Variants in FTO observed in about 807,000 individuals in gnomAD.
FTO encodes the protein alpha-ketoglutarate-dependent dioxygenase FTO.
A neutral mutation model predicts 63.9 loss-of-function variants in FTO; 47 were observed. The ratio of observed to expected loss-of-function variants is 0.74; its 90% CI spans 0.58 to 0.94. The LOEUF (loss-of-function observed/expected upper bound fraction) is 0.94. Ranked by LOEUF, FTO falls within the 40% of genes least tolerant of loss-of-function variation. The probability of loss-of-function intolerance (pLI) is 0.00; values close to 1 mark genes in which losing one functional copy is unlikely to be tolerated. For missense variants in FTO, 562 were observed against 618.1 expected (o/e 0.91, Z 0.96); for synonymous variants, 207 against 224.4 (o/e 0.92, Z 0.69).
intron 8 of FTO, among the ~76,000 whole-genome samples, chr16:54,100,215 C>T (rs571302258): frequency 1.3e-5 from 2 of 152,332 alleles, no homozygotes; most frequent in South Asian, 4.1e-4. Flanking sequence ...GCTTCAAATC[C>T]TGACCCTATC....
intron 8 of FTO, chr16:53,993,556 C>T (rs2083863968): frequency 6.6e-6 from 1 of 152,132 alleles, no homozygotes; most frequent in Non-Finnish European, 1.5e-5. Flanking sequence ...TGGGGAAAAC[C>T]AGCCCACCTC....
At chr16:53,971,971 C>T (rs1016742374) in intron 8 of FTO, among the ~76,000 whole-genome samples, 6 of 152,110 alleles carry the variant, frequency 3.9e-5, no homozygotes, top group African/African-American at 1.4e-4. Flanking sequence ...TGCCTCCCCC[C>T]TTCCCTCCTT....
chr16:53,831,732 C>T (rs1182368963), intron 3 of FTO, among the ~76,000 whole-genome samples: 1 of 152,124 alleles, frequency 6.6e-6, no homozygotes, highest in Non-Finnish European at 1.5e-5. Flanking sequence ...AAAGGGGTAA[C>T]ATTTAAGCAG....
At chr16:54,083,476 T>G (rs1341124721) in intron 8 of FTO, among the ~76,000 whole-genome samples, 1 of 152,220 alleles carries the variant, frequency 6.6e-6, no homozygotes, top group Non-Finnish European at 1.5e-5. Context: ...TAAGGGAAAC[T>G]GTCTCCAGGG....
intron 1 of FTO, among the ~76,000 whole-genome samples, chr16:53,796,244 A>T (rs908461024): frequency 1.3e-5 from 2 of 151,998 alleles, no homozygotes; most frequent in African/African-American, 4.8e-5. Flanking sequence ...GGGTTTTGCA[A>T]TGTCGGCCAG....
intron 1 of FTO, among the ~76,000 whole-genome samples, chr16:53,751,379 AC>A (rs2076788780): frequency 2.0e-5 from 3 of 151,922 alleles, no homozygotes; most frequent in Admixed American, 6.6e-5. Flanking sequence ...AATGGCATGA[AC>A]CCGGGAGGCG....
chr16:54,080,909 C>T (rs1304249198), intron 8 of FTO, among the ~76,000 whole-genome samples: 1 of 152,160 alleles, frequency 6.6e-6, no homozygotes, highest in African/African-American at 2.4e-5. Flanking sequence ...GGAAGAACAG[C>T]TCGTGCTTGG....
intron 8 of FTO, among the ~76,000 whole-genome samples, chr16:53,983,299 G>C (rs1050049936): frequency 2.0e-5 from 3 of 152,172 alleles, no homozygotes; most frequent in East Asian, 3.9e-4. Flanking sequence ...GAGAATAGTA[G>C]AGTTCATTTT....
At chr16:53,967,095 A>G (rs757393707) in intron 8 of FTO, among the ~76,000 whole-genome samples, 15 of 152,190 alleles carry the variant, frequency 9.9e-5, no homozygotes, top group Non-Finnish European at 2.1e-4. Flanking sequence ...TCCGCTGCGC[A>G]GTGGTGCCTA....
chr16:54,100,445 C>G (rs2144591852), intron 8 of FTO, among the ~76,000 whole-genome samples: 1 of 152,218 alleles, frequency 6.6e-6, no homozygotes, highest in Middle Eastern at 3.4e-3. Context: ...TTCAGCTTCC[C>G]AGGCTCAAGT....
chr16:53,724,463 A>G (rs868677778), intron 1 of FTO, among the ~76,000 whole-genome samples: 1 of 152,170 alleles, frequency 6.6e-6, no homozygotes, highest in African/African-American at 2.4e-5. Context: ...CATTTGTACC[A>G]CTAAATACTG....
In FTO at chr16:54,119,621, GTTTTC is replaced by G. The variant is rs1309153853; in HGVS notation, c.*7713_*7717del. On this transcript the variant is annotated 3_prime_UTR_variant, in exon 9 of 9. Coordinates refer to ENST00000471389, the MANE Select transcript of FTO (RefSeq NM_001080432.3). ...AAGCCATGTTTACCATGGACGTTTA[GTTTTC>G]TTTTCTCAAAATCAAAACAGAGTTT... 2 of 152,268 alleles carry G rather than the reference GTTTTC, an allele frequency of 1.3e-5. No individual in the cohort carries two copies. Among genetic ancestry groups the G allele is most frequent in the Admixed American group, 6.5e-5 (1 of 15,294 alleles). 9.4% of individuals were successfully genotyped at this position (152,268 alleles called of 1,614,324 possible).
chr16:53,716,639 A>G (rs984919030), intron 1 of FTO, among the ~76,000 whole-genome samples: 1 of 152,094 alleles, frequency 6.6e-6, no homozygotes, highest in Admixed American at 6.5e-5. Flanking sequence ...TATTTTTCAT[A>G]TGTAGCTTAT....
Position 53,858,547 on chromosome 16 carries a change from C to T in FTO, c.895+14249C>T, listed in dbSNP as rs141425002. Among the ~76,000 whole-genome samples the T allele has an allele frequency of 9.8e-4, 150 of 152,326 alleles. 1 individual carries two copies. The highest frequency in any genetic ancestry group is 4.1e-3 in the South Asian group (20 of 4,826). On this transcript the variant is annotated intron_variant, in intron 4 of 8. Transcript: ENST00000471389. ...AATCTCAAGGTACATAACTTCCCCTCTCCTTCTCCCCTTTTTTTAGAATTA... is the reference window on the plus strand; with the variant it reads ...AATCTCAAGGTACATAACTTCCCCTTTCCTTCTCCCCTTTTTTTAGAATTA...
chr16:53,923,291 G>C (rs1474515400), intron 7 of FTO: 1 of 152,270 alleles, frequency 6.6e-6, no homozygotes, highest in Non-Finnish European at 1.5e-5. Context: ...CTATTGAAAA[G>C]CCAACAGCAT....
At chr16:53,757,895 G>A (rs548435975) in intron 1 of FTO, among the ~76,000 whole-genome samples, 4 of 152,132 alleles carry the variant, frequency 2.6e-5, no homozygotes, top group Admixed American at 1.3e-4. Flanking sequence ...TGTTTTCTGG[G>A]GTGTGAAACA....
intron 8 of FTO, among the ~76,000 whole-genome samples, chr16:54,106,453 A>C (rs1383618791): frequency 6.8e-6 from 1 of 146,804 alleles, no homozygotes; most frequent in African/African-American, 2.5e-5. Context: ...TATATATATA[A>C]TATATATACT....
chr16:53,865,410 A>T (rs936636897), intron 4 of FTO, among the ~76,000 whole-genome samples: 1 of 152,180 alleles, frequency 6.6e-6, no homozygotes, highest in Non-Finnish European at 1.5e-5. Flanking sequence ...TGTTGTGTTT[A>T]TATTTGGATT....
intron 8 of FTO, among the ~76,000 whole-genome samples, chr16:53,950,174 A>AAAAAAAAAAAAAAAAAAAAAAAAAAC (rs2082753447): frequency 7.5e-6 from 1 of 133,284 alleles, no homozygotes; most frequent in Non-Finnish European, 1.7e-5. Flanking sequence ...AAAAAAAAAA[A>AAAAAAAAAAAAAAAAAAAAAAAAAAC]AAAAACTTAA....
Sources: gnomAD v4.1 joint callset for allele counts (sites outside exome capture counted in the v4.1 genomes callset) on GRCh38, gnomAD v4.1.1 for gene constraint, MANE v1.5 for transcripts, NCBI Gene and HGNC (gene_info 2026-07-23, HGNC 2026-07-21) for gene names.